Variants in ZNF385D observed in about 807,000 individuals in gnomAD.
The protein encoded by ZNF385D is zinc finger protein 385D.
In ZNF385D, 15 loss-of-function variants were observed where a neutral mutation model predicts 35.8. The ratio of observed to expected loss-of-function variants is 0.42; its 90% confidence interval spans 0.28 to 0.64. The LOEUF is 0.64. Ranked by LOEUF, ZNF385D falls within the 30% of genes least tolerant of loss-of-function variation. ZNF385D has a pLI of 0.23. For missense variants in ZNF385D, 474 were observed against 494.6 expected (o/e 0.96, Z 0.39); for synonymous variants, 212 against 186.8 (o/e 1.13, Z -1.10).
At chr3:21,680,533 C>T (rs2066865240) in intron 1 of ZNF385D, among the ~76,000 whole-genome samples, 1 of 152,150 alleles carries the variant, frequency 6.6e-6, no homozygotes, top group South Asian at 2.1e-4. Flanking sequence ...TTGCAACCCA[C>T]TTCTTTTAGT....
At position 21,416,531 on chromosome 3, in the gene ZNF385D, A is replaced by T. The variant is rs1700563959; in HGVS notation, c.*4683T>A. ...ACCATGTAGGCAATGGAGACCTACCATTAGAAATGATCCATTTCACTTCCT... is the reference window on the plus strand; with the variant it reads ...ACCATGTAGGCAATGGAGACCTACCTTTAGAAATGATCCATTTCACTTCCT... On this transcript the variant is annotated 3_prime_UTR_variant, in exon 8 of 8. Transcript: ENST00000281523. 6.6e-6 allele frequency: 1 copy of T among 152,130 alleles called. No individual in the cohort carries two copies. Among genetic ancestry groups the T allele is most frequent in the Admixed American group, 6.6e-5 (1 of 15,264 alleles). 9.4% of individuals were successfully genotyped at this position (152,130 alleles called of 1,614,324 possible). A position where few individuals can be genotyped will look rare whatever the true frequency, so the allele number is the denominator to read the frequency against.
intron 3 of ZNF385D, among the ~76,000 whole-genome samples, chr3:22,132,083 G>T (rs1265710747): frequency 5.3e-5 from 8 of 152,134 alleles, no homozygotes; most frequent in Non-Finnish European, 8.8e-5. Context: ...TAGGGTATAT[G>T]CAAAGAAGTG....
chr3:21,819,929 ATAT>A (rs1010471580), intron 3 of ZNF385D, among the ~76,000 whole-genome samples: 10 of 149,992 alleles, frequency 6.7e-5, no homozygotes, highest in Admixed American at 5.3e-4. Context: ...ACATATACAA[ATAT>A]TATAACATTA....
intron 2 of ZNF385D, among the ~76,000 whole-genome samples, chr3:21,581,156 G>A (rs1053081702): frequency 6.6e-6 from 1 of 152,182 alleles, no homozygotes; most frequent in Non-Finnish European, 1.5e-5. Flanking sequence ...TTCCATTACT[G>A]CTTGCCCCAG....
At chr3:21,754,545 C>G (rs2070251942), upstream of ZNF385D, among the ~76,000 whole-genome samples, 4 of 152,118 alleles carry the variant, frequency 2.6e-5, no homozygotes, top group South Asian at 8.3e-4. Context: ...ATCCGGGTAG[C>G]TGCCTGCCTT....
chr3:21,992,157 C>G (rs1025961080), intron 3 of ZNF385D, among the ~76,000 whole-genome samples: 5 of 152,118 alleles, frequency 3.3e-5, no homozygotes, highest in African/African-American at 1.2e-4. Flanking sequence ...TTTACCTCCA[C>G]TCTAACCAAG....
At chr3:22,246,271 C>A (rs959576933) in intron 2 of ZNF385D, among the ~76,000 whole-genome samples, 2 of 152,048 alleles carry the variant, frequency 1.3e-5, no homozygotes, top group Admixed American at 1.3e-4. Context: ...AATTATTTTT[C>A]AGTTCTTAAA....
At chr3:21,644,574 A>AT (rs1205240159) in intron 2 of ZNF385D, among the ~76,000 whole-genome samples, 1 of 152,174 alleles carries the variant, frequency 6.6e-6, no homozygotes, top group African/African-American at 2.4e-5. Context: ...AAGAAATGAC[A>AT]TTTTTTCTCT....
intron 3 of ZNF385D, among the ~76,000 whole-genome samples, chr3:21,877,520 A>AAT (rs1559715064): frequency 1.3e-5 from 2 of 152,078 alleles, no homozygotes; most frequent in Admixed American, 6.6e-5. Context: ...TTTCCATATA[A>AAT]ATATAAGGCA....
intron 3 of ZNF385D, among the ~76,000 whole-genome samples, chr3:21,557,338 G>A (rs540364614): frequency 4.4e-4 from 67 of 152,140 alleles, no homozygotes; most frequent in Non-Finnish European, 7.8e-4. Flanking sequence ...GGTAGGTTCC[G>A]TCAATACCTA....
chr3:21,480,872 A>C (rs1212138143), intron 4 of ZNF385D, among the ~76,000 whole-genome samples: 2 of 152,216 alleles, frequency 1.3e-5, no homozygotes, highest in Non-Finnish European at 2.9e-5. Flanking sequence ...TTTTAACCAA[A>C]TAACAGCATC....
intron 2 of ZNF385D, among the ~76,000 whole-genome samples, chr3:22,329,452 C>T (rs956732346): frequency 2.3e-4 from 35 of 152,200 alleles, no homozygotes; most frequent in Middle Eastern, 6.8e-3. Context: ...TCTCTTTATA[C>T]CTGAGGTTCT....
intron 2 of ZNF385D, among the ~76,000 whole-genome samples, chr3:22,296,919 A>C (rs563416121): frequency 7.0e-4 from 106 of 152,254 alleles, no homozygotes; most frequent in Admixed American, 1.2e-3. Context: ...GAGATTATAC[A>C]ATAATGCAAA....
At chr3:22,004,855 A>G (rs59085002) in intron 3 of ZNF385D, among the ~76,000 whole-genome samples, 32,956 of 151,964 alleles carry the variant, frequency 0.22, 3,935 homozygotes, top group Non-Finnish European at 0.28. Context: ...TACATCTCAC[A>G]TATATTGATT....
intron 5 of ZNF385D, among the ~76,000 whole-genome samples, chr3:21,427,613 C>A (rs1032003297): frequency 1.3e-5 from 2 of 151,972 alleles, no homozygotes; most frequent in Admixed American, 1.3e-4. Flanking sequence ...AGATTTGGCC[C>A]CAGTAGTAGG....
intron 3 of ZNF385D, among the ~76,000 whole-genome samples, chr3:21,805,779 G>A (rs561649844): frequency 2.6e-5 from 4 of 152,274 alleles, no homozygotes; most frequent in African/African-American, 9.6e-5. Flanking sequence ...AGTGAGCAGT[G>A]AAACGGTCAT....
intron 3 of ZNF385D, among the ~76,000 whole-genome samples, chr3:21,912,930 C>T (rs751383603): frequency 3.9e-5 from 6 of 151,932 alleles, no homozygotes; most frequent in East Asian, 1.9e-4. Context: ...GAAATTGAAA[C>T]GGTACTGACA....
At position 21,415,017 on chromosome 3, in the gene ZNF385D, T is replaced by A. The variant is rs1332443595; in HGVS notation, c.*6197A>T. 1 of 152,102 alleles carries A rather than the reference T, an allele frequency of 6.6e-6. No individual in the cohort carries two copies. Among genetic ancestry groups the A allele is most frequent in the Non-Finnish European group, 1.5e-5 (1 of 68,006 alleles). The allele number at this position is 152,102 out of a possible 1,614,324, so 9.4% of individuals were successfully genotyped here. A position where few individuals can be genotyped will look rare whatever the true frequency, so the allele number is the denominator to read the frequency against. On this transcript the variant is annotated 3_prime_UTR_variant, in exon 8 of 8. Transcript: ENST00000281523. ...TATACTGAAATTATATAACAATGTG[T>A]GTTAAGTTGGGTTGACAAACGTCCA...
At chr3:22,099,143 C>T (rs897671055) in intron 3 of ZNF385D, among the ~76,000 whole-genome samples, 2 of 152,050 alleles carry the variant, frequency 1.3e-5, no homozygotes, top group African/African-American at 4.8e-5. Context: ...ATGAAAACAT[C>T]AATGTGACTA....
Sources: gnomAD v4.1 joint callset for allele counts (sites outside exome capture counted in the v4.1 genomes callset) on GRCh38, gnomAD v4.1.1 for gene constraint, MANE v1.5 for transcripts, NCBI Gene and HGNC (gene_info 2026-07-23, HGNC 2026-07-21) for gene names.